The following MYEF2 variants were observed in gnomAD, a reference collection of about 807,000 sequenced individuals.
The protein encoded by MYEF2 is myelin gene expression factor 2.
A neutral mutation model predicts 75.2 loss-of-function variants in MYEF2; 37 were observed. That is an observed-to-expected ratio of 0.49 (90% CI 0.38 to 0.65). MYEF2 has a LOEUF of 0.65. Ranked by LOEUF, MYEF2 falls within the 30% of genes least tolerant of loss-of-function variation. The pLI is 0.00. For missense variants in MYEF2, 634 were observed against 771.4 expected, an observed-to-expected ratio of 0.82 and a Z score of 2.11; for synonymous variants, 195 against 241.6, an observed-to-expected ratio of 0.81 and a Z score of 1.79.
In MYEF2 at chr15:48,142,823, A is replaced by C; in HGVS notation, c.*85T>G. 4 of 1,281,404 alleles carry C rather than the reference A, an allele frequency of 3.1e-6. No homozygotes were observed. The highest frequency in any genetic ancestry group is 4.3e-6 in the Non-Finnish European group (4 of 938,516). The allele number at this position is 1,281,404 out of a possible 1,614,324, so 79.4% of individuals were successfully genotyped here. On this transcript the variant is annotated 3_prime_UTR_variant, in exon 17 of 17. Transcript: ENST00000324324. ...AAAGTTCATTTTTACAGCTTTTGTA[A>C]GCATACAATATTACTTTAAAAAAAT...
At position 48,141,241 on chromosome 15, in the gene MYEF2, A is replaced by G. The variant is rs1567233323; in HGVS notation, c.*1667T>C. 2 of 1,521,384 alleles carry G rather than the reference A, an allele frequency of 1.3e-6. No individual in the cohort carries two copies. Among genetic ancestry groups the G allele is most frequent in the South Asian group, 1.1e-5 (1 of 89,124 alleles). 94.2% of individuals were successfully genotyped at this position (1,521,384 alleles called of 1,614,324 possible). ...TAAGAACTAGGTCCCTCAAGCTGCA[A>G]TGGTCATTCTACAAGGCTAGAATGA... is the stretch of plus-strand genomic sequence containing the variant. On this transcript the variant is annotated 3_prime_UTR_variant, in exon 17 of 17. Coordinates refer to ENST00000324324, the MANE Select transcript of MYEF2 (RefSeq NM_016132.5).
intron 1 of MYEF2, among the ~76,000 whole-genome samples, chr15:48,171,434 TA>T (rs1175865149): frequency 1.3e-5 from 2 of 152,050 alleles, no homozygotes; most frequent in African/African-American, 4.8e-5. Flanking sequence ...AAAATTCCAT[TA>T]AAAACAGTAA....
chr15:48,149,395 G>A lies in MYEF2; in HGVS notation c.1379-24C>T, dbSNP rs533583897. Reference sequence around the variant, plus strand: ...ACCTGGATTTTCAAGAAAGGACGGGGGGATTTGGGAATTTTGTGTTTTTGT... The same window carrying A: ...ACCTGGATTTTCAAGAAAGGACGGGAGGATTTGGGAATTTTGTGTTTTTGT... On this transcript the variant is annotated intron_variant, in intron 14 of 16. Coordinates refer to ENST00000324324, the MANE Select transcript of MYEF2 (RefSeq NM_016132.5). This position sits in a 1 kb window ranked among gnomAD's most constrained non-coding sequence, Gnocchi z 4.0. 7.5e-6 allele frequency: 12 copies of A among 1,606,756 alleles called. No homozygotes were observed. In the African/African-American group the frequency reaches 1.5e-4, roughly 20 times the overall value.
At chr15:48,165,520 G>A (rs528733763) in intron 5 of MYEF2, among the ~76,000 whole-genome samples, 26 of 152,022 alleles carry the variant, frequency 1.7e-4, no homozygotes, top group Non-Finnish European at 1.5e-5. Context: ...CTGATAAAAA[G>A]TGAATATCAA....
rs2038926721 is a variant in MYEF2, at chr15:48,137,363, GCA to G, written c.*5543_*5544del. On this transcript the variant is annotated 3_prime_UTR_variant, in exon 17 of 17. Transcript: ENST00000324324. ...CTGAGGTCTTCATTCCATAAATGAT[GCA>G]GAGATAAAACACATAGAGCACAGTA... is the stretch of plus-strand genomic sequence containing the variant. The G allele has an allele frequency of 6.1e-6, 1 of 163,060 alleles. No individual in the cohort carries two copies. Among genetic ancestry groups the G allele is most frequent in the African/African-American group, 2.4e-5 (1 of 41,742 alleles). 10.1% of individuals were successfully genotyped at this position (163,060 alleles called of 1,614,324 possible).
chr15:48,145,587 G>C (rs1319794650), intron 16 of MYEF2, among the ~76,000 whole-genome samples: 1 of 151,822 alleles, frequency 6.6e-6, no homozygotes, highest in Non-Finnish European at 1.5e-5. Context: ...CACAGTAAAA[G>C]AAACCTTTCT....
At chr15:48,171,667 T>G (rs976810758) in intron 1 of MYEF2, among the ~76,000 whole-genome samples, 2 of 152,118 alleles carry the variant, frequency 1.3e-5, no homozygotes, top group Non-Finnish European at 2.9e-5. Flanking sequence ...ATGATCTAAT[T>G]ATTAAGAAAC....
intron 1 of MYEF2, among the ~76,000 whole-genome samples, chr15:48,172,638 T>C (rs543590938): frequency 6.6e-6 from 1 of 150,508 alleles, no homozygotes; most frequent in Admixed American, 6.6e-5. Flanking sequence ...CAATCAGAAA[T>C]CAAAGAGGAA....
chr15:48,177,847 T>A (rs1254542170), intron 1 of MYEF2, among the ~76,000 whole-genome samples: 1 of 152,004 alleles, frequency 6.6e-6, no homozygotes, highest in African/African-American at 2.4e-5. Context: ...AGAGCGCTGG[T>A]CCCCGGGCCC....
intron 3 of MYEF2, among the ~76,000 whole-genome samples, 176 bp from the exon 4 acceptor site, chr15:48,166,304 A>C (rs981154484): frequency 6.6e-6 from 1 of 151,884 alleles, no homozygotes; most frequent in African/African-American, 2.4e-5. Flanking sequence ...ATTTTCTCTA[A>C]ATTTTTAAAT....
At chr15:48,148,945 A>G in intron 16 of MYEF2, 87 bp downstream of exon 16, 2 of 1,371,816 alleles carry the variant, frequency 1.5e-6, no homozygotes. Flanking sequence ...CCGGACAGGC[A>G]AAGGTCTAAA....
chr15:48,152,331 T>C, intron 10 of MYEF2, 47 bp from the exon 11 acceptor site: 1 of 1,499,682 alleles, frequency 6.7e-7, no homozygotes, highest in Non-Finnish European at 9.2e-7. Context: ...TTTATTTTTA[T>C]GACTAAAAGA....
chr15:48,151,945 A>T lies in MYEF2; in HGVS notation c.1139-3T>A. 6.2e-7 allele frequency: 1 copy of T among 1,612,714 alleles called. No homozygotes were observed. The highest frequency in any genetic ancestry group is 8.5e-7 in the Non-Finnish European group (1 of 1,178,886). On this transcript the variant is annotated splice_region_variant and splice_polypyrimidine_tract_variant and intron_variant, in intron 11 of 16. Coordinates refer to ENST00000324324, the MANE Select transcript of MYEF2 (RefSeq NM_016132.5). ...TTCCAGACCACCAAACCCTATTCCT[A>T]TGGAATAAAGATTAATTTTGAGATC...
intron 5 of MYEF2, among the ~76,000 whole-genome samples, chr15:48,162,175 C>T (rs2039965731): frequency 6.6e-6 from 1 of 151,910 alleles, no homozygotes; most frequent in African/African-American, 2.4e-5. Flanking sequence ...GGTAGCATGG[C>T]CTTTGATTTC....
rs377500280 is a variant in MYEF2 at position 48,141,990 on chromosome 15, T to C, written c.*918A>G. ...TGAAGATTATTAATAAAACACAGTA[T>C]TGGTAAGCACATTTTAACAGTATGC... On this transcript the variant is annotated 3_prime_UTR_variant, in exon 17 of 17. Transcript: ENST00000324324. The C allele has an allele frequency of 3.6e-5, 51 of 1,425,882 alleles. 2 individuals carry two copies. The highest frequency in any genetic ancestry group is 3.2e-4 in the East Asian group (14 of 43,634). The allele number at this position is 1,425,882 out of a possible 1,614,324, so 88.3% of individuals were successfully genotyped here.
chr15:48,161,991 G>A (rs1401002067), intron 5 of MYEF2, among the ~76,000 whole-genome samples: 1 of 151,370 alleles, frequency 6.6e-6, no homozygotes, highest in Non-Finnish European at 1.5e-5. Context: ...CCTGGCTTAT[G>A]CATAAAAACC....
intron 16 of MYEF2, among the ~76,000 whole-genome samples, chr15:48,143,873 A>G (rs1396317500): frequency 6.6e-6 from 1 of 152,104 alleles, no homozygotes; most frequent in African/African-American, 2.4e-5. Context: ...ATAAGAATTC[A>G]TCACTACAAT....
intron 14 of MYEF2, among the ~76,000 whole-genome samples, chr15:48,150,512 G>A (rs888145769): frequency 7.2e-5 from 11 of 151,774 alleles, no homozygotes; most frequent in Admixed American, 3.9e-4. Context: ...AATAATCCAT[G>A]TATTCAGGCT....
chr15:48,162,257 G>A (rs559113754), intron 5 of MYEF2, among the ~76,000 whole-genome samples: 18 of 152,108 alleles, frequency 1.2e-4, no homozygotes, highest in African/African-American at 2.4e-4. Context: ...TAAAGCTAAC[G>A]TTTATTATGT....
Sources: allele counts gnomAD v4.1 joint callset (sites outside exome capture counted in the v4.1 genomes callset), GRCh38; gene constraint gnomAD v4.1.1; non-coding constraint Gnocchi (gnomAD v3.1); transcripts MANE v1.5; gene names NCBI Gene and HGNC (gene_info 2026-07-23, HGNC 2026-07-21).